Variants in SKAP1 observed in about 807,000 individuals in gnomAD.
SKAP1 encodes the protein src kinase associated phosphoprotein 1.
Under a neutral mutation model 58.5 loss-of-function variants are expected in SKAP1, and 44 were observed. That is an observed-to-expected ratio of 0.75 (90% CI 0.59 to 0.97). The LOEUF (loss-of-function observed/expected upper bound fraction) is 0.97, where lower values mean the gene tolerates loss of function less well. SKAP1 is among the 50% of genes least tolerant of loss of function. The pLI is 0.00. For synonymous variants in SKAP1, 127 were observed against 149.7 expected, an observed-to-expected ratio of 0.85 and a Z score of 1.11; for missense variants, 390 against 435.2, an observed-to-expected ratio of 0.90 and a Z score of 0.92.
chr17:48,213,185 T>C (rs563698393), intron 4 of SKAP1, among the ~76,000 whole-genome samples: 3 of 151,898 alleles, frequency 2.0e-5, no homozygotes, highest in South Asian at 4.2e-4. Flanking sequence ...CTACTAAATA[T>C]ACAAAAATTA....
intron 4 of SKAP1, among the ~76,000 whole-genome samples, chr17:48,298,073 C>T (rs1214839101): frequency 6.6e-6 from 1 of 152,172 alleles, no homozygotes; most frequent in Non-Finnish European, 1.5e-5. Flanking sequence ...TGACCTGCCT[C>T]TTGATTCCAG....
At chr17:48,298,286 CAACA>C (rs2066008171) in intron 4 of SKAP1, among the ~76,000 whole-genome samples, 1 of 152,164 alleles carries the variant, frequency 6.6e-6, no homozygotes, top group Non-Finnish European at 1.5e-5. Flanking sequence ...GAGTGAGCGT[CAACA>C]AACAACTAGT....
chr17:48,295,205 G>T (rs2065951357), intron 4 of SKAP1, among the ~76,000 whole-genome samples: 1 of 152,194 alleles, frequency 6.6e-6, no homozygotes, highest in Non-Finnish European at 1.5e-5. Flanking sequence ...AATCGGGCAA[G>T]ATCACAGTCA....
chr17:48,281,626 T>A (rs2065768345), intron 4 of SKAP1, among the ~76,000 whole-genome samples: 1 of 152,098 alleles, frequency 6.6e-6, no homozygotes. Flanking sequence ...GTTTAGAAAA[T>A]AAGAAATTAA....
chr17:48,308,122 G>A (rs1598547801), intron 4 of SKAP1: 1 of 152,308 alleles, frequency 6.6e-6, no homozygotes, highest in East Asian at 1.9e-4. Context: ...TCATTGTGAA[G>A]TAAATGGCTT....
intron 4 of SKAP1, among the ~76,000 whole-genome samples, chr17:48,272,680 C>T (rs2065648434): frequency 6.6e-6 from 1 of 152,058 alleles, no homozygotes; most frequent in Non-Finnish European, 1.5e-5. Context: ...CTTAGCCTCC[C>T]AAGTAGCTGG....
intron 4 of SKAP1, among the ~76,000 whole-genome samples, chr17:48,238,010 T>C (rs1332856013): frequency 6.6e-6 from 1 of 152,110 alleles, no homozygotes; most frequent in Non-Finnish European, 1.5e-5. Flanking sequence ...TTTTTTGTTT[T>C]TGAGACGGAG....
At chr17:48,310,804 T>C (rs1598551134) in intron 4 of SKAP1, among the ~76,000 whole-genome samples, 3 of 152,054 alleles carry the variant, frequency 2.0e-5, no homozygotes, top group African/African-American at 7.2e-5. Context: ...CATAATCCCC[T>C]ATTCTGCTGG....
chr17:48,364,398 C>T (rs182238526), intron 2 of SKAP1, among the ~76,000 whole-genome samples: 5 of 152,254 alleles, frequency 3.3e-5, no homozygotes, highest in East Asian at 1.9e-4. Context: ...AAACATGGGC[C>T]GGGTGTGGTG....
chr17:48,228,435 G>C (rs959014217), intron 4 of SKAP1, among the ~76,000 whole-genome samples: 1 of 152,176 alleles, frequency 6.6e-6, no homozygotes, highest in African/African-American at 2.4e-5. Context: ...CTATAGGTTG[G>C]TTTCTGCTTT....
At chr17:48,346,657 T>C (rs962777622) in intron 3 of SKAP1, among the ~76,000 whole-genome samples, 1 of 152,060 alleles carries the variant, frequency 6.6e-6, no homozygotes, top group Non-Finnish European at 1.5e-5. Flanking sequence ...TATTCATATA[T>C]ACTATGTCTC....
chr17:48,136,128 C>G (rs2063693899), intron 12 of SKAP1, among the ~76,000 whole-genome samples: 1 of 151,964 alleles, frequency 6.6e-6, no homozygotes, highest in African/African-American at 2.4e-5. Context: ...AGTGTGTGCG[C>G]AACATCTGTG....
At chr17:48,154,840 C>G (rs913819738) in intron 11 of SKAP1, among the ~76,000 whole-genome samples, 3 of 152,166 alleles carry the variant, frequency 2.0e-5, no homozygotes, top group African/African-American at 4.8e-5. Context: ...AGGCAGATCA[C>G]TCGAGGCCAG....
chr17:48,430,151 C>A lies in SKAP1; in HGVS notation c.-31G>T, dbSNP rs377405971. On this transcript the variant is annotated 5_prime_UTR_variant, in exon 1 of 13. Transcript: ENST00000336915. ...TGGGCGGGAGAGAGGCGGGACGGGG[C>A]GCGGGCCCTGGTCGGGAGGCGGACG... 3 of 1,245,374 alleles carry A rather than the reference C, an allele frequency of 2.4e-6. No individual in the cohort carries two copies. Among genetic ancestry groups the A allele is most frequent in the Non-Finnish European group, 2.0e-6 (2 of 986,538 alleles). 77.1% of individuals were successfully genotyped at this position (1,245,374 alleles called of 1,614,324 possible).
At chr17:48,230,229 A>G (rs1234149532) in intron 4 of SKAP1, among the ~76,000 whole-genome samples, 2 of 152,158 alleles carry the variant, frequency 1.3e-5, no homozygotes, top group Admixed American at 6.5e-5. Context: ...AAAATAATAA[A>G]CCAGGCAATG....
chr17:48,389,722 A>G (rs1056739148), intron 2 of SKAP1, among the ~76,000 whole-genome samples: 15 of 152,184 alleles, frequency 9.9e-5, no homozygotes, highest in Admixed American at 1.3e-4. Flanking sequence ...GAGGCTACAC[A>G]CTAGGAGAGA....
chr17:48,170,952 C>T (rs2064202904), intron 9 of SKAP1, among the ~76,000 whole-genome samples: 1 of 151,998 alleles, frequency 6.6e-6, no homozygotes, highest in Non-Finnish European at 1.5e-5. Context: ...GGTGATCCAC[C>T]CTCCTTGGCC....
chr17:48,190,980 G>A (rs1385894843), intron 4 of SKAP1, among the ~76,000 whole-genome samples: 2 of 152,146 alleles, frequency 1.3e-5, no homozygotes, highest in African/African-American at 4.8e-5. Flanking sequence ...ATGAGACTTC[G>A]TCTCAAAACA....
At chr17:48,224,736 A>G (rs944098989) in intron 4 of SKAP1, among the ~76,000 whole-genome samples, 1 of 152,168 alleles carries the variant, frequency 6.6e-6, no homozygotes, top group Non-Finnish European at 1.5e-5. Flanking sequence ...AAATAAATAT[A>G]TTAATGGAAA....
Sources: gnomAD v4.1 joint callset for allele counts (sites outside exome capture counted in the v4.1 genomes callset) on GRCh38, gnomAD v4.1.1 for gene constraint, MANE v1.5 for transcripts, NCBI Gene and HGNC (gene_info 2026-07-23, HGNC 2026-07-21) for gene names.